The following PIK3C2G variants were observed in gnomAD, a reference collection of about 807,000 sequenced individuals.
The protein encoded by PIK3C2G is phosphatidylinositol-4-phosphate 3-kinase catalytic subunit type 2 gamma.
PIK3C2G carries 168 observed loss-of-function variants against 181.1 expected under a neutral mutation model. That is an observed-to-expected ratio of 0.93 (90% CI 0.82 to 1.05). PIK3C2G has a LOEUF of 1.05. Among genes scored for constraint, PIK3C2G ranks in the 50% least tolerant of loss-of-function variants. PIK3C2G has a pLI of 0.00. For synonymous variants in PIK3C2G, 573 were observed against 592.2 expected (o/e 0.97, Z 0.47); for missense variants, 1,869 against 1,732.8 (o/e 1.08, Z -1.40).
intron 31 of PIK3C2G, among the ~76,000 whole-genome samples, chr12:18,620,627 T>C (rs1369017182): frequency 6.6e-6 from 1 of 152,098 alleles, no homozygotes. Context: ...ATTGAACCTA[T>C]ACTCATCCAT....
At chr12:18,701,240 C>T in the PIK3C2G span, among the ~76,000 whole-genome samples, 1 of 152,054 alleles carries the variant, frequency 6.6e-6, no homozygotes, top group Admixed American at 6.5e-5. Context: ...CCACCTCAGC[C>T]TCCCAAAGTG....
chr12:18,555,408 A>T (rs565928842), intron 26 of PIK3C2G, among the ~76,000 whole-genome samples: 1 of 152,294 alleles, frequency 6.6e-6, no homozygotes, highest in East Asian at 1.9e-4. Flanking sequence ...CTGACACAGA[A>T]GATCAGAGCT....
chr12:18,688,804 C>T, the PIK3C2G span, among the ~76,000 whole-genome samples: 1 of 151,826 alleles, frequency 6.6e-6, no homozygotes, highest in Admixed American at 6.6e-5. Context: ...AAAATGAGCA[C>T]ACAACAAAAC....
chr12:18,389,382 A>G (rs1943392563), intron 14 of PIK3C2G, among the ~76,000 whole-genome samples: 1 of 152,028 alleles, frequency 6.6e-6, no homozygotes, highest in Non-Finnish European at 1.5e-5. Flanking sequence ...TTGAGACCAA[A>G]GCCAGGCTTG....
chr12:18,712,042 T>G, the PIK3C2G span, among the ~76,000 whole-genome samples: 2 of 152,186 alleles, frequency 1.3e-5, no homozygotes. Context: ...TGTATTGACA[T>G]AGGAGAACTT....
Position 18,346,825 on chromosome 12 carries a change from C to T in PIK3C2G, c.1614C>T (p.Thr538=). 1.2e-6 allele frequency: 2 copies of T among 1,609,924 alleles called. No individual in the cohort carries two copies. Among genetic ancestry groups the T allele is most frequent in the African/African-American group, 1.3e-5 (1 of 74,834 alleles). ...ATGCAGCACACAACATTCCAGAAAC[C>T]TGGGTGCACAGGTGAGTGGTGGTGA... ...TVYAAHNIPE[T]WVHSYKAFSF... The change falls in exon 11 of 33, where the codon ACC becomes ACT. Residue 538 remains threonine (T), a synonymous_variant. Coordinates refer to ENST00000538779, the MANE Select transcript of PIK3C2G (RefSeq NM_001288772.2).
At chr12:18,719,750 T>TG in the PIK3C2G span, 1 of 630,494 alleles carries the variant, frequency 1.6e-6, no homozygotes, top group Non-Finnish European at 2.5e-6. Flanking sequence ...AATATTCCTT[T>TG]AGAATTAATA....
chr12:18,446,697 G>A (rs1947049848), intron 18 of PIK3C2G, among the ~76,000 whole-genome samples: 1 of 152,252 alleles, frequency 6.6e-6, no homozygotes. Flanking sequence ...ATGATTAAAA[G>A]TGAATATTTA....
At chr12:18,487,637 T>A (rs2136048191) in intron 18 of PIK3C2G, among the ~76,000 whole-genome samples, 1 of 152,226 alleles carries the variant, frequency 6.6e-6, no homozygotes, top group East Asian at 1.9e-4. Context: ...TTGTTGTTGC[T>A]CCATTATCTT....
At chr12:18,301,303 T>C (rs1247288680) in intron 5 of PIK3C2G, among the ~76,000 whole-genome samples, 1 of 152,216 alleles carries the variant, frequency 6.6e-6, no homozygotes, top group African/African-American at 2.4e-5. Context: ...AGGTCTGCTA[T>C]GCCTTTGCCC....
chr12:18,470,511 A>G (rs1938356451), intron 18 of PIK3C2G, among the ~76,000 whole-genome samples: 1 of 152,148 alleles, frequency 6.6e-6, no homozygotes, highest in African/African-American at 2.4e-5. Flanking sequence ...CCAACCATAG[A>G]AAGTTGTGCA....
intron 11 of PIK3C2G, among the ~76,000 whole-genome samples, chr12:18,349,917 C>T (rs1021414419): frequency 4.6e-5 from 7 of 152,234 alleles, no homozygotes; most frequent in African/African-American, 1.2e-4. Flanking sequence ...TGAACAAAAT[C>T]CCTTGAATAG....
At chr12:18,691,942 A>G in the PIK3C2G span, among the ~76,000 whole-genome samples, 1 of 152,180 alleles carries the variant, frequency 6.6e-6, no homozygotes, top group South Asian at 2.1e-4. Flanking sequence ...TCTGGAAAAC[A>G]GCTCTCAATC....
intron 24 of PIK3C2G, among the ~76,000 whole-genome samples, chr12:18,527,793 A>G (rs1943323711): frequency 3.3e-5 from 5 of 152,138 alleles, no homozygotes; most frequent in Admixed American, 3.3e-4. Flanking sequence ...GAGACTTGAT[A>G]ATTTTGAAGA....
At chr12:18,466,074 T>C (rs1937845441) in intron 18 of PIK3C2G, among the ~76,000 whole-genome samples, 1 of 151,788 alleles carries the variant, frequency 6.6e-6, no homozygotes. Context: ...TGTGCGTGTG[T>C]GTGTATTTGC....
At chr12:18,339,067 G>A (rs1055518954) in intron 9 of PIK3C2G, among the ~76,000 whole-genome samples, 4 of 152,004 alleles carry the variant, frequency 2.6e-5, no homozygotes, top group South Asian at 2.1e-4. Context: ...ATTTCTGTGT[G>A]ACTTTCTATG....
intron 25 of PIK3C2G, among the ~76,000 whole-genome samples, chr12:18,540,403 C>T (rs1944089392): frequency 6.6e-6 from 1 of 151,768 alleles, no homozygotes; most frequent in South Asian, 2.1e-4. Context: ...TCAGGTGACA[C>T]TAAAATTATG....
chr12:18,266,029 A>C (rs1277190184), intron 1 of PIK3C2G, among the ~76,000 whole-genome samples: 1 of 150,892 alleles, frequency 6.6e-6, no homozygotes. Flanking sequence ...AAAAAAAAAA[A>C]AAAAAAAAAA....
At chr12:18,480,767 T>C (rs1040798653) in intron 18 of PIK3C2G, among the ~76,000 whole-genome samples, 13 of 152,118 alleles carry the variant, frequency 8.5e-5, no homozygotes, top group South Asian at 6.2e-4. Context: ...TAAAGGTGGA[T>C]ATAAATATGA....
Sources: allele counts gnomAD v4.1 joint callset (sites outside exome capture counted in the v4.1 genomes callset), GRCh38; gene constraint gnomAD v4.1.1; transcripts MANE v1.5; gene names NCBI Gene and HGNC (gene_info 2026-07-23, HGNC 2026-07-21).